GPC1: variants seen among roughly 807,000 people sequenced by gnomAD.
GPC1 encodes glypican-1.
GPC1 carries 26 observed loss-of-function variants against 51.5 expected under a neutral mutation model. The ratio of observed to expected loss-of-function variants is 0.50; its 90% CI spans 0.37 to 0.70. The LOEUF (loss-of-function observed/expected upper bound fraction) is 0.70. Ranked by LOEUF, GPC1 falls within the 30% of genes least tolerant of loss-of-function variation. The pLI is 0.00. For missense variants in GPC1, 775 were observed against 800.5 expected (o/e 0.97, Z 0.38); for synonymous variants, 380 against 348.3 (o/e 1.09, Z -1.01).
At chr2:240,465,422 C>A in intron 7 of GPC1, 51 bp from the exon 8 acceptor site, 1 of 1,559,120 alleles carries the variant, frequency 6.4e-7, no homozygotes, top group South Asian at 1.1e-5. Context: ...AGGTGATGGC[C>A]CTTTGCAGGG....
chr2:240,458,043 A>G (rs1162576118), intron 1 of GPC1: 1 of 470,896 alleles, frequency 2.1e-6, no homozygotes, highest in East Asian at 7.0e-5. Context: ...TGGCCCCGTC[A>G]GTGTGGAGTC....
chr2:240,465,974 CA>C, intron 8 of GPC1, 83 bp from the exon 9 acceptor site: 1 of 685,818 alleles, frequency 1.5e-6, no homozygotes, highest in Non-Finnish European at 2.3e-6. Context: ...ATGTTGGGGT[CA>C]CCTGGCACGG....
chr2:240,455,304 G>A (rs1189992505), intron 1 of GPC1, among the ~76,000 whole-genome samples: 1 of 152,216 alleles, frequency 6.6e-6, no homozygotes, highest in African/African-American at 2.4e-5. Flanking sequence ...AGGGAGGGGA[G>A]CGCTGTGGAA....
chr2:240,458,274 G>C (rs2074187001), intron 1 of GPC1: 2 of 311,456 alleles, frequency 6.4e-6, no homozygotes, highest in Admixed American at 3.7e-5. Context: ...CTGACTCAAA[G>C]CCTGTCCTGT....
rs1374386889 is a variant in GPC1, at chr2:240,435,767, T to G, written c.-152T>G. ...CGCCGCCGCCGCCGCCGGCTTTTGT[T>G]GTCTCCGCCTCCTCGGCCGCCGCCG... On this transcript the variant is annotated 5_prime_UTR_variant, in exon 1 of 9. Transcript: ENST00000264039. 2 of 390,436 alleles carry G rather than the reference T, an allele frequency of 5.1e-6. No individual in the cohort carries two copies. Among genetic ancestry groups the G allele is most frequent in the African/African-American group, 2.1e-5 (1 of 46,692 alleles). 24.2% of individuals were successfully genotyped at this position (390,436 alleles called of 1,614,324 possible).
intron 1 of GPC1, among the ~76,000 whole-genome samples, chr2:240,446,293 T>G (rs1246313634): frequency 1.3e-5 from 2 of 152,248 alleles, no homozygotes; most frequent in South Asian, 4.1e-4. Flanking sequence ...TCTGCATCAT[T>G]GGAGGCTCCG....
In GPC1 at chr2:240,448,429, G is replaced by A. The variant is rs931280201; in HGVS notation, c.167-10601G>A. Among the ~76,000 whole-genome samples, 3 of 151,896 alleles carry A rather than the reference G, an allele frequency of 2.0e-5. No individual in the cohort carries two copies. Among genetic ancestry groups the A allele is most frequent in the South Asian group, 2.1e-4 (1 of 4,812 alleles). ...GTAGACAGTCCCTGCCAGGCAGTCCGGGTGTAGATAGTCCCTGCCAGGAAG... is the reference window on the plus strand; with the variant it reads ...GTAGACAGTCCCTGCCAGGCAGTCCAGGTGTAGATAGTCCCTGCCAGGAAG... On this transcript the variant is annotated intron_variant, in intron 1 of 8. Transcript: ENST00000264039. This position sits in a 1 kb window ranked among gnomAD's most constrained non-coding sequence, Gnocchi z 4.5.
At position 240,466,293 on chromosome 2, in the gene GPC1, GC is replaced by G; in HGVS notation, c.*7del. ...TAGCCAGGCCCCGGTGGCGGTAACT[GC>G]CCCAAGGCCCCAGGGACAGAGGCCA... On this transcript the variant is annotated 3_prime_UTR_variant, in exon 9 of 9. Transcript: ENST00000264039. The G allele has an allele frequency of 6.8e-7, 1 of 1,477,072 alleles. No homozygotes were observed. Among genetic ancestry groups the G allele is most frequent in the Non-Finnish European group, 9.5e-7 (1 of 1,055,958 alleles). The allele number at this position is 1,477,072 out of a possible 1,614,324, so 91.5% of individuals were successfully genotyped here. A position where few individuals can be genotyped will look rare whatever the true frequency, so the allele number is the denominator to read the frequency against.
chr2:240,462,539 A>G lies in GPC1; in HGVS notation c.674A>G (p.Gln225Arg), dbSNP rs1380385954. Reference sequence around the variant, plus strand: ...TTCGTGGCTGCTCGCTCCTTTGTGCAGGGCCTGGGCGTGGCCAGCGACGTG... The same window carrying G: ...TTCGTGGCTGCTCGCTCCTTTGTGCGGGGCCTGGGCGTGGCCAGCGACGTG... ...RAFVAARSFV[Q>R]GLGVASDVVR... Residue 225 changes from glutamine (Q) to arginine (R), a missense_variant, in exon 3 of 9, where the codon CAG becomes CGG. Gln to Arg is a conservative substitution (Grantham distance 43). Transcript: ENST00000264039. The G allele has an allele frequency of 2.6e-6, 4 of 1,564,388 alleles. No individual in the cohort carries two copies. The South Asian group carries it at 3.4e-5, about 13-fold the overall frequency.
intron 1 of GPC1, among the ~76,000 whole-genome samples, chr2:240,447,962 C>T (rs2151788158): frequency 6.6e-6 from 1 of 152,222 alleles, no homozygotes; most frequent in African/African-American, 2.4e-5. Flanking sequence ...GTCGGCGCTC[C>T]CATTCGCTGG....
intron 1 of GPC1, among the ~76,000 whole-genome samples, chr2:240,445,580 C>T (rs976848838): frequency 1.3e-5 from 2 of 152,168 alleles, no homozygotes; most frequent in African/African-American, 2.4e-5. Flanking sequence ...TGGCCAAACA[C>T]CAGCATGCAG....
chr2:240,444,286 G>A (rs1265322831), intron 1 of GPC1, among the ~76,000 whole-genome samples: 1 of 152,192 alleles, frequency 6.6e-6, no homozygotes, highest in African/African-American at 2.4e-5. Context: ...GAGCTGGGCG[G>A]GCCAGGAAGT....
At chr2:240,456,085 C>T (rs1444693822) in intron 1 of GPC1, 1 of 341,520 alleles carries the variant, frequency 2.9e-6, no homozygotes, top group Non-Finnish European at 5.9e-6. Context: ...GCTGGGGCAG[C>T]TGGAACAACG....
intron 4 of GPC1, 44 bp downstream of exon 4, chr2:240,463,556 G>C (rs998888242): frequency 7.7e-6 from 12 of 1,565,018 alleles, no homozygotes; most frequent in Non-Finnish European, 1.1e-5. Flanking sequence ...GTCTTGGGGA[G>C]TGCACGACTG....
Position 240,435,954 on chromosome 2 carries a change from T to C in GPC1, c.36T>C (p.Cys12=). 7.7e-7 allele frequency: 1 copy of C among 1,306,692 alleles called. No individual in the cohort carries two copies. Among genetic ancestry groups the C allele is most frequent in the Non-Finnish European group, 9.7e-7 (1 of 1,028,280 alleles). The allele number at this position is 1,306,692 out of a possible 1,614,324, so 80.9% of individuals were successfully genotyped here. The change falls in exon 1 of 9, where the codon TGT becomes TGC. Residue 12 remains cysteine, a synonymous_variant. Transcript: ENST00000264039. The stretch of plus-strand genomic sequence containing the variant: ...GGGCCCGAGGCTGGTGGCTGCTATG[T>C]GCGGCCGCAGCGCTGGTCGCCTGCG... ...ELRARGWWLL[C]AAAALVACAR...
rs1010338215 is a variant in GPC1 at position 240,464,650 on chromosome 2, T to C, written c.918T>C (p.Gly306=). 1 of 1,612,284 alleles carries C rather than the reference T, an allele frequency of 6.2e-7. No homozygotes were observed. The highest frequency in any genetic ancestry group is 8.5e-7 in the Non-Finnish European group (1 of 1,179,532). The change falls in exon 5 of 9, where the codon GGT becomes GGC. Residue 306 remains glycine (G), a synonymous_variant. Coordinates refer to ENST00000264039, the MANE Select transcript of GPC1 (RefSeq NM_002081.3). ...SMVLITDKFW[G]TSGVESVIGS... ...TGCTCATCACCGACAAGTTCTGGGG[T>C]ACATCGGGTGTGGAGAGTGTCATCG...
chr2:240,463,372 G>A lies in GPC1; in HGVS notation c.743G>A (p.Arg248Lys). The A allele has an allele frequency of 6.2e-7, 1 of 1,612,828 alleles. No individual in the cohort carries two copies. The highest frequency in any genetic ancestry group is 8.5e-7 in the Non-Finnish European group (1 of 1,179,884). ...AQVPLGPECS[R>K]AVMKLVYCAH... is the part of the protein sequence containing the mutation. Reference sequence around the variant, plus strand: ...GTCCCCCTGGGCCCGGAGTGCTCGAGAGCTGTCATGAAGCTGGTCTACTGT... The same window carrying A: ...GTCCCCCTGGGCCCGGAGTGCTCGAAAGCTGTCATGAAGCTGGTCTACTGT... The change falls in exon 4 of 9, where the codon AGA becomes AAA. Residue 248 changes from arginine (R) to lysine (K), a missense_variant. Coordinates refer to ENST00000264039, the MANE Select transcript of GPC1 (RefSeq NM_002081.3).
At chr2:240,452,866 C>T (rs2074113572) in intron 1 of GPC1, 2 of 217,272 alleles carry the variant, frequency 9.2e-6, no homozygotes, top group South Asian at 5.0e-5. Context: ...GTCTCCCGCG[C>T]GCCCGGCGGA....
chr2:240,464,499 T>C, intron 4 of GPC1, 117 bp from the exon 5 acceptor site: 1 of 1,376,584 alleles, frequency 7.3e-7, no homozygotes, highest in Non-Finnish European at 1.0e-6. Flanking sequence ...TCTCCCATGC[T>C]GACCCGTGCT....
Sources: gnomAD v4.1 joint callset for allele counts (sites outside exome capture counted in the v4.1 genomes callset) on GRCh38, gnomAD v4.1.1 for gene constraint, Gnocchi (gnomAD v3.1) non-coding constraint, MANE v1.5 for transcripts, NCBI Gene and HGNC (gene_info 2026-07-23, HGNC 2026-07-21) for gene names.